Variants in TBC1D5 observed in about 807,000 individuals in gnomAD.
TBC1D5 encodes the protein TBC1 domain family member 5, also known as TBC1 domain family, member 5.
A neutral mutation model predicts 100.3 loss-of-function variants in TBC1D5; 75 were observed. The ratio of observed to expected loss-of-function variants is 0.75; its 90% CI spans 0.62 to 0.91. The LOEUF is 0.91. Ranked by LOEUF, TBC1D5 falls within the 40% of genes least tolerant of loss-of-function variation. The pLI, the probability that TBC1D5 is intolerant of heterozygous loss-of-function variation, is 0.00. For missense variants in TBC1D5, 910 were observed against 942.4 expected (o/e 0.97, Z 0.45); for synonymous variants, 323 against 325.6 (o/e 0.99, Z 0.09).
intron 3 of TBC1D5, among the ~76,000 whole-genome samples, chr3:17,464,923 G>T (rs2095277387): frequency 6.6e-6 from 1 of 151,808 alleles, no homozygotes; most frequent in Non-Finnish European, 1.5e-5. Flanking sequence ...ATATTTGAGT[G>T]ATCATAAAGT....
chr3:17,568,101 C>A (rs990948365), intron 2 of TBC1D5, among the ~76,000 whole-genome samples: 3 of 151,508 alleles, frequency 2.0e-5, no homozygotes, highest in African/African-American at 4.8e-5. Flanking sequence ...AAGGTGAACA[C>A]CCTCCTACCT....
At chr3:17,396,115 C>T (rs971988625) in intron 8 of TBC1D5, among the ~76,000 whole-genome samples, 1 of 152,042 alleles carries the variant, frequency 6.6e-6, no homozygotes, top group Non-Finnish European at 1.5e-5. Flanking sequence ...TTGTAGTTTT[C>T]ACTTTCTCGG....
chr3:17,275,905 C>T (rs1278028448), intron 15 of TBC1D5, among the ~76,000 whole-genome samples: 2 of 152,144 alleles, frequency 1.3e-5, no homozygotes, highest in Non-Finnish European at 2.9e-5. Flanking sequence ...TACCTGATAC[C>T]AGGTACTCCA....
chr3:17,572,005 C>T (rs2096630207), intron 2 of TBC1D5, among the ~76,000 whole-genome samples: 1 of 152,012 alleles, frequency 6.6e-6, no homozygotes, highest in African/African-American at 2.4e-5. Flanking sequence ...GCAAAATTTG[C>T]TCTGCCTACT....
intron 17 of TBC1D5, among the ~76,000 whole-genome samples, chr3:17,220,630 A>G (rs1438273279): frequency 2.0e-5 from 3 of 152,096 alleles, no homozygotes; most frequent in Admixed American, 2.0e-4. Flanking sequence ...TTTAGGTATT[A>G]TAAATCTAGG....
At chr3:17,612,059 G>A (rs191874524) in intron 2 of TBC1D5, among the ~76,000 whole-genome samples, 1 of 152,210 alleles carries the variant, frequency 6.6e-6, no homozygotes, top group East Asian at 1.9e-4. Context: ...CTAGCATACT[G>A]GGAGGCCAAG....
chr3:17,553,764 C>T (rs999640073), intron 2 of TBC1D5, among the ~76,000 whole-genome samples: 1 of 152,158 alleles, frequency 6.6e-6, no homozygotes, highest in Non-Finnish European at 1.5e-5. Flanking sequence ...ATCATGTTAA[C>T]AATTCTAAAA....
chr3:17,400,524 G>A (rs2093619192), intron 8 of TBC1D5, among the ~76,000 whole-genome samples: 1 of 152,140 alleles, frequency 6.6e-6, no homozygotes, highest in African/African-American at 2.4e-5. Context: ...AGCCATGGGA[G>A]AGTCTTCAAG....
intron 2 of TBC1D5, among the ~76,000 whole-genome samples, chr3:17,528,958 C>G (rs1002472573): frequency 5.9e-5 from 9 of 152,166 alleles, no homozygotes; most frequent in Non-Finnish European, 4.4e-5. Context: ...TTCTGTCCTT[C>G]TCTGACTTCC....
At chr3:17,537,442 A>G (rs2096293270) in intron 2 of TBC1D5, among the ~76,000 whole-genome samples, 1 of 152,174 alleles carries the variant, frequency 6.6e-6, no homozygotes, top group Admixed American at 6.5e-5. Flanking sequence ...ATGATGGAGA[A>G]TTCAGTTCTT....
intron 2 of TBC1D5, among the ~76,000 whole-genome samples, chr3:17,548,567 AC>A (rs1425661227): frequency 1.3e-5 from 2 of 152,176 alleles, no homozygotes; most frequent in South Asian, 4.1e-4. Context: ...GCCAATCAAC[AC>A]TTGTCTTCAA....
intron 4 of TBC1D5, among the ~76,000 whole-genome samples, chr3:17,411,756 G>A (rs868305799): frequency 5.9e-5 from 9 of 152,118 alleles, no homozygotes; most frequent in African/African-American, 2.2e-4. Flanking sequence ...TTATTTGTTA[G>A]CTTAAATAAG....
Position 17,167,875 on chromosome 3 carries a change from C to G in TBC1D5, c.1853-47G>C, listed in dbSNP as rs768481475. 10 of 1,342,856 alleles carry G rather than the reference C, an allele frequency of 7.4e-6. No individual in the cohort carries two copies. In the Admixed American group the frequency reaches 1.9e-4, roughly 25 times the overall value. The allele number at this position is 1,342,856 out of a possible 1,614,324, so 83.2% of individuals were successfully genotyped here. Reference sequence around the variant, plus strand: ...TTTATAACCAATGCTCTGAGCATAACCTACCTGCTGCCACATCATAACTTC... The same window carrying G: ...TTTATAACCAATGCTCTGAGCATAAGCTACCTGCTGCCACATCATAACTTC... On this transcript the variant is annotated intron_variant, in intron 19 of 21. Coordinates refer to ENST00000253692, the Ensembl canonical transcript of TBC1D5.
At chr3:17,482,834 C>A (rs577541754) in intron 3 of TBC1D5, among the ~76,000 whole-genome samples, 1 of 152,122 alleles carries the variant, frequency 6.6e-6, no homozygotes, top group Admixed American at 6.5e-5. Flanking sequence ...CTTGTCAGTA[C>A]AACTAATTGT....
intron 3 of TBC1D5, among the ~76,000 whole-genome samples, chr3:17,455,340 GTA>G (rs1277166754): frequency 7.0e-6 from 1 of 143,150 alleles, no homozygotes; most frequent in Non-Finnish European, 1.5e-5. Flanking sequence ...ATATGTATAT[GTA>G]TATATGTATA....
intron 8 of TBC1D5, among the ~76,000 whole-genome samples, chr3:17,400,681 G>A (rs2093622862): frequency 6.6e-6 from 1 of 152,032 alleles, no homozygotes. Flanking sequence ...CAGAGAGGCA[G>A]CCCCATCCTC....
chr3:17,191,970 A>C (rs924382915), intron 18 of TBC1D5, among the ~76,000 whole-genome samples: 1 of 152,162 alleles, frequency 6.6e-6, no homozygotes, highest in African/African-American at 2.4e-5. Flanking sequence ...TAAGAACGAC[A>C]TATCACATAC....
At chr3:17,681,985 T>G (rs1553914433) in intron 1 of TBC1D5, among the ~76,000 whole-genome samples, 1 of 151,564 alleles carries the variant, frequency 6.6e-6, no homozygotes, top group Non-Finnish European at 1.5e-5. Flanking sequence ...CTTATGAGAA[T>G]CTAACTAATG....
chr3:17,306,481 G>C (rs1277548296), intron 14 of TBC1D5, among the ~76,000 whole-genome samples: 2 of 152,148 alleles, frequency 1.3e-5, no homozygotes, highest in African/African-American at 2.4e-5. Context: ...CATTACTTCT[G>C]TATTTTTCTA....
Sources: allele counts gnomAD v4.1 joint callset (sites outside exome capture counted in the v4.1 genomes callset), GRCh38; gene constraint gnomAD v4.1.1; transcripts MANE v1.5; gene names NCBI Gene and HGNC (gene_info 2026-07-23, HGNC 2026-07-21).